MPDZ: variants seen among roughly 807,000 people sequenced by gnomAD.
MPDZ encodes multiple PDZ domain crumbs cell polarity complex component, also known as multiple PDZ domain protein.
Under a neutral mutation model 239.1 loss-of-function variants are expected in MPDZ, and 234 were observed. That is an observed-to-expected ratio of 0.98 (90% CI 0.88 to 1.09). MPDZ has a LOEUF of 1.09. MPDZ is among the 50% of genes least tolerant of loss of function. The probability of loss-of-function intolerance (pLI) is 0.00; values close to 1 mark genes in which losing one functional copy is unlikely to be tolerated. For synonymous variants in MPDZ, 1,048 were observed against 881.3 expected (o/e 1.19, Z -3.35); for missense variants, 3,175 against 2,510.0 (o/e 1.26, Z -5.66).
chr9:13,173,562 G>T (rs1381139663), intron 21 of MPDZ, among the ~76,000 whole-genome samples: 1 of 151,970 alleles, frequency 6.6e-6, no homozygotes, highest in Admixed American at 6.6e-5. Context: ...AATCAGCTGG[G>T]CATGGTGGCA....
chr9:13,127,535 G>A (rs546435069), intron 32 of MPDZ, among the ~76,000 whole-genome samples: 1 of 152,208 alleles, frequency 6.6e-6, no homozygotes, highest in South Asian at 2.1e-4. Context: ...TTTTTCTCCA[G>A]AGAAAAGTTA....
intron 2 of MPDZ, among the ~76,000 whole-genome samples, chr9:13,248,149 A>G (rs1445510603): frequency 6.6e-6 from 1 of 151,196 alleles, no homozygotes; most frequent in East Asian, 2.0e-4. Flanking sequence ...AATCACTTGA[A>G]TCCAGGAGGC....
At position 13,217,288 on chromosome 9, in the gene MPDZ, C is replaced by T; in HGVS notation, c.1093G>A (p.Ala365Thr). The T allele has an allele frequency of 6.3e-7, 1 of 1,577,494 alleles. No individual in the cohort carries two copies. Among genetic ancestry groups the T allele is most frequent in the Non-Finnish European group, 8.6e-7 (1 of 1,157,296 alleles). ...CTTTCTTCACCTTTCTGAGTAGAAG[C>T]ATCAACCTAAAATAAAATCAATAAA... The part of the protein sequence containing the change: ...PTSTPELRVD[A>T]STQKGEESET... The change falls in exon 9 of 47, where the codon GCT becomes ACT. Residue 365 changes from alanine to threonine, a missense_variant. Ala to Thr is a moderately conservative substitution (Grantham distance 58). Transcript: ENST00000319217.
intron 32 of MPDZ, among the ~76,000 whole-genome samples, chr9:13,131,315 T>C (rs1436633895): frequency 1.3e-5 from 2 of 152,152 alleles, no homozygotes; most frequent in Non-Finnish European, 2.9e-5. Flanking sequence ...CACAAATTCA[T>C]GGTTAGAAGT....
At chr9:13,189,419 A>AT (rs1954595341) in intron 16 of MPDZ, among the ~76,000 whole-genome samples, 1 of 152,140 alleles carries the variant, frequency 6.6e-6, no homozygotes, top group Non-Finnish European at 1.5e-5. Flanking sequence ...GGTAGGACCC[A>AT]TCCTTTTGAA....
At chr9:13,274,240 ATTAAG>A (rs1211065095) in intron 1 of MPDZ, among the ~76,000 whole-genome samples, 2 of 151,186 alleles carry the variant, frequency 1.3e-5, no homozygotes, top group Non-Finnish European at 2.9e-5. Context: ...AAGCAACAAC[ATTAAG>A]TTTTTTCTTA....
intron 32 of MPDZ, among the ~76,000 whole-genome samples, chr9:13,129,711 G>C (rs1312960115): frequency 6.6e-6 from 1 of 151,984 alleles, no homozygotes; most frequent in Non-Finnish European, 1.5e-5. Flanking sequence ...ATATATTTTT[G>C]TGGGTTTTTT....
intron 1 of MPDZ, among the ~76,000 whole-genome samples, chr9:13,254,618 G>C (rs919546922): frequency 6.6e-6 from 1 of 152,158 alleles, no homozygotes. Context: ...TGCAGGATCA[G>C]TTCCAGACCA....
chr9:13,209,421 G>A (rs1041632747), intron 10 of MPDZ, among the ~76,000 whole-genome samples: 1 of 152,148 alleles, frequency 6.6e-6, no homozygotes, highest in Non-Finnish European at 1.5e-5. Flanking sequence ...AATGAATCAA[G>A]TGAAGCTACA....
intron 23 of MPDZ, among the ~76,000 whole-genome samples, chr9:13,159,632 G>C (rs1025823303): frequency 2.6e-5 from 4 of 152,088 alleles, no homozygotes; most frequent in Non-Finnish European, 5.9e-5. Context: ...GGCAGGGGAT[G>C]GGGGGAGGTC....
intron 25 of MPDZ, among the ~76,000 whole-genome samples, chr9:13,148,586 T>A (rs971566060): frequency 2.6e-5 from 4 of 152,044 alleles, no homozygotes; most frequent in African/African-American, 9.7e-5. Flanking sequence ...TCAGTGCATA[T>A]TAAAATAGCT....
At chr9:13,135,878 T>G in intron 31 of MPDZ, 1 of 381,694 alleles carries the variant, frequency 2.6e-6, no homozygotes, top group Middle Eastern at 6.9e-4. Context: ...CTACCCTCAC[T>G]ATTCCCTAGG....
chr9:13,271,978 G>C (rs892621613), intron 1 of MPDZ, among the ~76,000 whole-genome samples: 1 of 152,130 alleles, frequency 6.6e-6, no homozygotes, highest in Admixed American at 6.5e-5. Context: ...TAGTTTACTT[G>C]GAGATGGGAG....
At chr9:13,222,865 AT>A (rs1959210664) in intron 5 of MPDZ, among the ~76,000 whole-genome samples, 2 of 148,992 alleles carry the variant, frequency 1.3e-5, no homozygotes, top group African/African-American at 5.1e-5. Context: ...CATAGATTAG[AT>A]CCCCAACTGG....
rs573290977 is a variant in MPDZ, at chr9:13,272,318, A to C, written c.-58+7082T>G. On this transcript the variant is annotated intron_variant, in intron 1 of 46. Transcript: ENST00000319217. ...GCTAGGGAGCAATAACCCAGGCCCC[A>C]GGGCTATTTCTTCTCATTTTCCTCC... is the stretch of plus-strand genomic sequence containing the variant. Among the ~76,000 whole-genome samples, 21 of 152,276 alleles carry C rather than the reference A, an allele frequency of 1.4e-4. No individual in the cohort carries two copies. In the East Asian group the frequency reaches 2.9e-3, roughly 21 times the overall value.
At chr9:13,194,394 C>G (rs565537145) in intron 13 of MPDZ, among the ~76,000 whole-genome samples, 2 of 152,092 alleles carry the variant, frequency 1.3e-5, no homozygotes, top group African/African-American at 4.8e-5. Context: ...ATGTCCTTTG[C>G]AGGGACATGG....
At chr9:13,208,822 A>G (rs1957291895) in intron 10 of MPDZ, among the ~76,000 whole-genome samples, 1 of 152,092 alleles carries the variant, frequency 6.6e-6, no homozygotes, top group Non-Finnish European at 1.5e-5. Context: ...TCAGTTCCTT[A>G]AACCTTCTAT....
intron 10 of MPDZ, among the ~76,000 whole-genome samples, chr9:13,208,583 T>G (rs2135783095): frequency 6.6e-6 from 1 of 151,384 alleles, no homozygotes; most frequent in African/African-American, 2.4e-5. Flanking sequence ...GCTTTGTAAA[T>G]ATGTGTATAT....
chr9:13,196,844 C>T (rs1955714490), intron 12 of MPDZ, among the ~76,000 whole-genome samples: 1 of 151,798 alleles, frequency 6.6e-6, no homozygotes, highest in Non-Finnish European at 1.5e-5. Context: ...AAAATGCTTA[C>T]CTAAAACAAG....
Sources: allele counts gnomAD v4.1 joint callset (sites outside exome capture counted in the v4.1 genomes callset), GRCh38; gene constraint gnomAD v4.1.1; transcripts MANE v1.5; gene names NCBI Gene and HGNC (gene_info 2026-07-23, HGNC 2026-07-21).